The following RGS12 variants were observed in gnomAD, a reference collection of about 807,000 sequenced individuals.
RGS12 encodes regulator of G-protein signaling 12.
A neutral mutation model predicts 120.1 loss-of-function variants in RGS12; 66 were observed. That is an observed-to-expected ratio of 0.55 (90% CI 0.45 to 0.67). The LOEUF is 0.67. RGS12 is among the 30% of genes least tolerant of loss of function. RGS12 has a pLI of 0.00. For missense variants in RGS12, 1,859 were observed against 1,957.7 expected (o/e 0.95, Z 0.95); for synonymous variants, 827 against 804.7 (o/e 1.03, Z -0.47).
chr4:3,302,727 C>T (rs898056324), intron 1 of RGS12, among the ~76,000 whole-genome samples: 1 of 152,180 alleles, frequency 6.6e-6, no homozygotes, highest in Non-Finnish European at 1.5e-5. Flanking sequence ...GGGGCCCCTG[C>T]TCTGTGGCTA....
chr4:3,428,641 A>G lies in RGS12; in HGVS notation c.3495A>G (p.Ser1165=). 1.2e-6 allele frequency: 2 copies of G among 1,606,790 alleles called. No individual in the cohort carries two copies. The highest frequency in any genetic ancestry group is 1.3e-5 in the African/African-American group (1 of 74,558). ...NGKNARDPRL[S]KREESIAKIG... ...AAAATGCTAGGGATCCCCGGCTTTC[A>G]AAGAGAGAAGAATCTATTGCAAAGA... Residue 1165 remains serine, a synonymous_variant, in exon 16 of 18, where the codon TCA becomes TCG. Coordinates refer to ENST00000336727, the MANE Select transcript of RGS12 (RefSeq NM_001394154.1).
chr4:3,345,916 G>A (rs890677240), intron 3 of RGS12, among the ~76,000 whole-genome samples: 1 of 152,090 alleles, frequency 6.6e-6, no homozygotes, highest in Non-Finnish European at 1.5e-5. Context: ...CTTTTTTGGT[G>A]TGTGTGTACT....
At chr4:3,345,093 G>A (rs1255182728) in intron 3 of RGS12, among the ~76,000 whole-genome samples, 2 of 152,256 alleles carry the variant, frequency 1.3e-5, no homozygotes, top group Non-Finnish European at 2.9e-5. Flanking sequence ...AAGAAAGACA[G>A]CAGTTTTTCA....
chr4:3,391,082 G>C (rs1719444144), intron 4 of RGS12, among the ~76,000 whole-genome samples: 2 of 152,228 alleles, frequency 1.3e-5, no homozygotes, highest in Non-Finnish European at 2.9e-5. Context: ...GAAACAGAAT[G>C]TTAATTTGTA....
At chr4:3,373,961 C>T (rs1717343949) in intron 3 of RGS12, among the ~76,000 whole-genome samples, 1 of 152,248 alleles carries the variant, frequency 6.6e-6, no homozygotes, top group Non-Finnish European at 1.5e-5. Flanking sequence ...GTGCTGTAAG[C>T]TGTCCGTCCA....
At chr4:3,379,252 T>TA (rs1560129653) in intron 3 of RGS12, among the ~76,000 whole-genome samples, 1 of 152,118 alleles carries the variant, frequency 6.6e-6, no homozygotes, top group Non-Finnish European at 1.5e-5. Flanking sequence ...GACTTCCAAT[T>TA]ATAAGATGAA....
At chr4:3,386,308 T>G (rs1326033882) in intron 3 of RGS12, 108 bp from the exon 4 acceptor site, 14 of 1,100,918 alleles carry the variant, frequency 1.3e-5, no homozygotes, top group Non-Finnish European at 1.5e-5. Context: ...AGAGTGCCTC[T>G]GAGAACCTCC....
Position 3,430,269 on chromosome 4 carries a change from G to A in RGS12, c.3566-138G>A, listed in dbSNP as rs947467559. On this transcript the variant is annotated intron_variant, in intron 16 of 17. Transcript: ENST00000336727. ...CTGTCTGTGGGAAGATAGTGTGGACGGAAAAGGGCTCTTGTTGACCCACAG... is the reference window on the plus strand; with the variant it reads ...CTGTCTGTGGGAAGATAGTGTGGACAGAAAAGGGCTCTTGTTGACCCACAG... The A allele has an allele frequency of 7.6e-5, 57 of 747,492 alleles. 1 individual carries two copies. In the South Asian group the frequency reaches 7.7e-4, roughly 10 times the overall value. 46.3% of individuals were successfully genotyped at this position (747,492 alleles called of 1,614,324 possible). A position where few individuals can be genotyped will look rare whatever the true frequency, so the allele number is the denominator to read the frequency against.
intron 5 of RGS12, 85 bp downstream of exon 5, chr4:3,414,326 C>A: frequency 7.1e-7 from 1 of 1,408,688 alleles, no homozygotes; most frequent in Non-Finnish European, 9.4e-7. Flanking sequence ...GCCCTAGAGA[C>A]AGCGGCACCC....
At chr4:3,425,329 C>G (rs1449792186) in intron 13 of RGS12, 135 bp from the exon 14 acceptor site, 13 of 764,344 alleles carry the variant, frequency 1.7e-5, no homozygotes, top group Non-Finnish European at 2.3e-5. Context: ...CTCAGTCAGG[C>G]AGGCCTCACC....
Position 3,317,184 on chromosome 4 carries a change from C to T in RGS12, c.1014C>T (p.His338=), listed in dbSNP as rs145021605. 1.2e-5 allele frequency: 20 copies of T among 1,614,026 alleles called. No individual in the cohort carries two copies. The Admixed American group carries it at 1.7e-4, about 13-fold the overall frequency. Reference sequence around the variant, plus strand: ...AGGGCGCCCTGCGGACTTCCTGCCACGTGTTCATGGTGGACCCAGACTTGT... The same window carrying T: ...AGGGCGCCCTGCGGACTTCCTGCCATGTGTTCATGGTGGACCCAGACTTGT... ...EEEGALRTSC[H]VFMVDPDLFN... The change falls in exon 2 of 18, where the codon CAC becomes CAT. Residue 338 remains histidine, a synonymous_variant. Coordinates refer to ENST00000336727, the MANE Select transcript of RGS12 (RefSeq NM_001394154.1).
intron 4 of RGS12, among the ~76,000 whole-genome samples, chr4:3,407,984 A>G (rs967392454): frequency 3.9e-5 from 6 of 152,188 alleles, no homozygotes; most frequent in African/African-American, 1.4e-4. Flanking sequence ...GAAAGAAAAA[A>G]TCCCACAACA....
chr4:3,288,759 A>G (rs115567478), upstream of RGS12, among the ~76,000 whole-genome samples: 1,604 of 151,772 alleles, frequency 0.011, 20 homozygotes, highest in South Asian at 0.033. The surrounding 1 kb of genome is among the most constrained non-coding windows in gnomAD (Gnocchi z 5.2). Context: ...CCGTGAAGGG[A>G]CTCTGGGCCT....
rs369230358 is a variant in RGS12, at chr4:3,363,103, G to A, written c.1998+20050G>A. On this transcript the variant is annotated intron_variant, in intron 3 of 17. Coordinates refer to ENST00000336727, the MANE Select transcript of RGS12 (RefSeq NM_001394154.1). ...CATGTGTGAAGGCGTGTGTATGTGA[G>A]TGTGTGTGTGAGAGTGCGCATCAGT... is the stretch of plus-strand genomic sequence containing the variant. Among the ~76,000 whole-genome samples the A allele has an allele frequency of 1.7e-4, 26 of 150,536 alleles. 1 individual carries two copies. Among genetic ancestry groups the A allele is most frequent in the African/African-American group, 6.2e-4 (25 of 40,496 alleles).
At chr4:3,439,282 C>A (rs527434786) in intron 17 of RGS12, among the ~76,000 whole-genome samples, 173 bp from the exon 18 acceptor site, 11 of 152,248 alleles carry the variant, frequency 7.2e-5, no homozygotes, top group Admixed American at 6.5e-4. Context: ...CCTGGGCGTA[C>A]CTGCCCCAGC....
intron 2 of RGS12, chr4:3,342,319 T>C: frequency 2.2e-6 from 2 of 898,238 alleles, no homozygotes; most frequent in Non-Finnish European, 2.8e-6. Context: ...TCTGGGGAAG[T>C]GTCTAGCATA....
At chr4:3,377,036 G>A (rs1288479707) in intron 3 of RGS12, among the ~76,000 whole-genome samples, 1 of 150,102 alleles carries the variant, frequency 6.7e-6, no homozygotes, top group South Asian at 2.1e-4. Flanking sequence ...TTTTGAGACA[G>A]GGTCTCACTC....
chr4:3,362,792 TG>T (rs1168783477), intron 3 of RGS12, among the ~76,000 whole-genome samples: 4 of 145,714 alleles, frequency 2.7e-5, no homozygotes, highest in African/African-American at 1.0e-4. Flanking sequence ...TGTGTGAGGG[TG>T]TGTGTGAATA....
chr4:3,337,837 T>C (rs900885784), intron 2 of RGS12, among the ~76,000 whole-genome samples: 4 of 152,226 alleles, frequency 2.6e-5, no homozygotes, highest in African/African-American at 9.6e-5. Context: ...TTTTGTGTTA[T>C]CTGGATTTTA....
Sources: allele counts gnomAD v4.1 joint callset (sites outside exome capture counted in the v4.1 genomes callset), GRCh38; gene constraint gnomAD v4.1.1; non-coding constraint Gnocchi (gnomAD v3.1); transcripts MANE v1.5; gene names NCBI Gene and HGNC (gene_info 2026-07-23, HGNC 2026-07-21).